Variants in NEK1 observed in about 807,000 individuals in gnomAD.
NEK1 encodes the protein NIMA related kinase 1, also known as serine/threonine-protein kinase Nek1.
NEK1 carries 137 observed loss-of-function variants against 182.1 expected under a neutral mutation model. The ratio of observed to expected loss-of-function variants is 0.75; its 90% CI spans 0.65 to 0.87. NEK1 has a LOEUF of 0.87. Ranked by LOEUF, NEK1 falls within the 40% of genes least tolerant of loss-of-function variation. The pLI, the probability that NEK1 is intolerant of heterozygous loss-of-function variation, is 0.00. For missense variants in NEK1, 1,391 were observed against 1,494.4 expected (o/e 0.93, Z 1.14); for synonymous variants, 513 against 492.2 (o/e 1.04, Z -0.56).
intron 11 of NEK1, among the ~76,000 whole-genome samples, chr4:169,580,398 G>A (rs1766423122): frequency 6.7e-6 from 1 of 149,470 alleles, no homozygotes; most frequent in South Asian, 2.1e-4. Context: ...CTCGGAGGCT[G>A]AGGCAAGAGA....
chr4:169,580,767 T>G, intron 11 of NEK1, 75 bp downstream of exon 11: 1 of 855,048 alleles, frequency 1.2e-6, no homozygotes, highest in Non-Finnish European at 1.9e-6. Context: ...ACTTACTACA[T>G]CTACATATAT....
At chr4:169,418,803 T>C (rs1734965497) in intron 31 of NEK1, among the ~76,000 whole-genome samples, 1 of 151,938 alleles carries the variant, frequency 6.6e-6, no homozygotes, top group South Asian at 2.1e-4. Flanking sequence ...GAAAAGGTAG[T>C]AGAGAGAGAG....
At chr4:169,573,018 G>C (rs1187416924) in intron 12 of NEK1, among the ~76,000 whole-genome samples, 1 of 152,172 alleles carries the variant, frequency 6.6e-6, no homozygotes, top group Non-Finnish European at 1.5e-5. Context: ...TTTTTAAAAA[G>C]ACTTAAGATA....
intron 30 of NEK1, among the ~76,000 whole-genome samples, chr4:169,425,345 C>A (rs1185966593): frequency 1.3e-5 from 2 of 151,592 alleles, no homozygotes; most frequent in Non-Finnish European, 2.9e-5. Context: ...TTGTTTGAGC[C>A]CAGGAGTTCG....
chr4:169,609,592 T>C (rs75557722), intron 2 of NEK1, among the ~76,000 whole-genome samples: 10,862 of 152,214 alleles, frequency 0.071, 1,274 homozygotes, highest in African/African-American at 0.25. Flanking sequence ...GTTACTCATA[T>C]ATGTGTATAA....
Position 169,552,977 on chromosome 4 carries a change from G to A in NEK1, c.1562+2743C>T, listed in dbSNP as rs137896837. On this transcript the variant is annotated intron_variant, in intron 18 of 35. Coordinates refer to ENST00000507142, the MANE Select transcript of NEK1 (RefSeq NM_001199397.3). The stretch of plus-strand genomic sequence containing the variant: ...ATGAAGTATTGGAAGATTGAATATC[G>A]TCAAGATGTCAGTTCTTCCCAAGCT... 8.2e-3 allele frequency among the ~76,000 whole-genome samples: 1,244 copies of A among 152,156 alleles called. 12 individuals carry two copies. Among genetic ancestry groups the A allele is most frequent in the Non-Finnish European group, 0.014 (945 of 68,002 alleles).
intron 27 of NEK1, among the ~76,000 whole-genome samples, chr4:169,440,702 G>A (rs575567681): frequency 1.3e-5 from 2 of 152,338 alleles, no homozygotes; most frequent in South Asian, 4.1e-4. Context: ...TGACCTGCCT[G>A]AATGCAGGAA....
chr4:169,588,515 G>T, intron 8 of NEK1, 134 bp downstream of exon 8: 1 of 481,660 alleles, frequency 2.1e-6, no homozygotes, highest in Non-Finnish European at 3.7e-6. Flanking sequence ...CCATATATTA[G>T]CAACATTTTA....
At chr4:169,414,782 C>T (rs1734249989) in intron 31 of NEK1, among the ~76,000 whole-genome samples, 2 of 152,190 alleles carry the variant, frequency 1.3e-5, no homozygotes, top group African/African-American at 4.8e-5. Flanking sequence ...ACGGTACCCA[C>T]ATTAAAATTC....
chr4:169,523,405 GAAGA>G lies in NEK1; in HGVS notation c.1665+14400_1665+14403del, dbSNP rs1233961302. ...GTGTCCCTATAAAAAGGGAAAATTT[GAAGA>G]CAGACTCACACACAGCAAGAACACA... is the stretch of plus-strand genomic sequence containing the variant. On this transcript the variant is annotated intron_variant, in intron 19 of 35. Coordinates refer to ENST00000507142, the MANE Select transcript of NEK1 (RefSeq NM_001199397.3). 3.3e-5 allele frequency among the ~76,000 whole-genome samples: 5 copies of G among 152,312 alleles called. No individual in the cohort carries two copies. In the East Asian group the frequency reaches 9.6e-4, roughly 29 times the overall value.
At chr4:169,424,353 G>C (rs1735994980) in intron 31 of NEK1, among the ~76,000 whole-genome samples, 200 bp downstream of exon 31, 1 of 152,132 alleles carries the variant, frequency 6.6e-6, no homozygotes, top group South Asian at 2.1e-4. Context: ...AAAAAATCCT[G>C]AACAGGAAGC....
intron 27 of NEK1, among the ~76,000 whole-genome samples, chr4:169,443,459 C>T (rs920164980): frequency 4.8e-5 from 7 of 145,136 alleles, no homozygotes; most frequent in African/African-American, 7.7e-5. Flanking sequence ...ACAGTTCTTT[C>T]GAAATAATCC....
At chr4:169,572,286 T>C (rs1764997760) in intron 12 of NEK1, among the ~76,000 whole-genome samples, 1 of 152,152 alleles carries the variant, frequency 6.6e-6, no homozygotes, top group Non-Finnish European at 1.5e-5. Flanking sequence ...TGAATATATT[T>C]TGAAGTCACA....
At chr4:169,418,808 A>C (rs1734967997) in intron 31 of NEK1, among the ~76,000 whole-genome samples, 1 of 152,142 alleles carries the variant, frequency 6.6e-6, no homozygotes, top group South Asian at 2.1e-4. Flanking sequence ...GGTAGTAGAG[A>C]GAGAGAAAAA....
chr4:169,577,220 C>T, intron 11 of NEK1, 141 bp from the exon 12 acceptor site: 2 of 870,618 alleles, frequency 2.3e-6, no homozygotes, highest in Non-Finnish European at 3.4e-6. Context: ...TTAATTCATC[C>T]CTTAGTATTT....
chr4:169,568,445 G>A (rs1025127766), intron 12 of NEK1, among the ~76,000 whole-genome samples: 30 of 151,802 alleles, frequency 2.0e-4, no homozygotes, highest in African/African-American at 7.0e-4. Flanking sequence ...TTTGATCCAC[G>A]GCACATTTTT....
At chr4:169,508,991 T>C (rs1753764147) in intron 19 of NEK1, 139 bp from the exon 20 acceptor site, 7 of 614,264 alleles carry the variant, frequency 1.1e-5, no homozygotes, top group Admixed American at 6.3e-5. Flanking sequence ...TAACAAACCC[T>C]GGCGTTTTCC....
intron 19 of NEK1, among the ~76,000 whole-genome samples, chr4:169,524,982 C>T (rs1405178200): frequency 6.6e-6 from 1 of 152,166 alleles, no homozygotes; most frequent in Non-Finnish European, 1.5e-5. Context: ...TGGCCCTTTA[C>T]AGAAAAATGT....
intron 30 of NEK1, among the ~76,000 whole-genome samples, 191 bp from the exon 31 acceptor site, chr4:169,424,991 G>C (rs199633424): frequency 6.6e-6 from 1 of 152,190 alleles, no homozygotes; most frequent in South Asian, 2.1e-4. Flanking sequence ...TCTATCTTCA[G>C]AGAGTTGATT....
Sources: allele counts gnomAD v4.1 joint callset (sites outside exome capture counted in the v4.1 genomes callset), GRCh38; gene constraint gnomAD v4.1.1; transcripts MANE v1.5; gene names NCBI Gene and HGNC (gene_info 2026-07-23, HGNC 2026-07-21).